Variants in SEPTIN9 observed in about 807,000 individuals in gnomAD.
SEPTIN9 encodes the protein septin 9.
In SEPTIN9, 13 loss-of-function variants were observed where a neutral mutation model predicts 56.6. The ratio of observed to expected loss-of-function variants is 0.23; its 90% CI spans 0.15 to 0.37. SEPTIN9 has a LOEUF of 0.37. Ranked by LOEUF, SEPTIN9 falls within the 10% of genes least tolerant of loss-of-function variation. The probability of loss-of-function intolerance (pLI) is 1.00; values close to 1 mark genes in which losing one functional copy is unlikely to be tolerated. For synonymous variants in SEPTIN9, 332 were observed against 334.1 expected, an observed-to-expected ratio of 0.99 and a Z score of 0.07; for missense variants, 650 against 823.1, an observed-to-expected ratio of 0.79 and a Z score of 2.57.
intron 2 of SEPTIN9, among the ~76,000 whole-genome samples, chr17:77,399,666 G>C (rs2035838964): frequency 6.6e-6 from 1 of 151,950 alleles, no homozygotes; most frequent in African/African-American, 2.4e-5. Flanking sequence ...TGATGAGCTT[G>C]GTAAGCCCAT....
At chr17:77,299,047 C>A (rs910720477) in intron 1 of SEPTIN9, among the ~76,000 whole-genome samples, 1 of 152,226 alleles carries the variant, frequency 6.6e-6, no homozygotes, top group Non-Finnish European at 1.5e-5. Flanking sequence ...AGCAGGCTCC[C>A]AGCCATTGGC....
At position 77,456,221 on chromosome 17, in the gene SEPTIN9, G is replaced by A. The variant is rs2038196800; in HGVS notation, c.722-25923G>A. 6.6e-6 allele frequency: 1 copy of A among 152,458 alleles called. No individual in the cohort carries two copies. Among genetic ancestry groups the A allele is most frequent in the Non-Finnish European group, 1.5e-5 (1 of 68,266 alleles). The allele number at this position is 152,458 out of a possible 1,614,324, so 9.4% of individuals were successfully genotyped here. ...CGGGTGGGTGGGAGCCGAGGCCAGG[G>A]AGAACAGCGCAGACCTGGCACGGAG... On this transcript the variant is annotated intron_variant, in intron 3 of 11. Transcript: ENST00000427177. This position sits in a 1 kb window ranked among gnomAD's most constrained non-coding sequence, Gnocchi z 6.0.
intron 2 of SEPTIN9, among the ~76,000 whole-genome samples, chr17:77,342,312 C>T (rs1450722954): frequency 1.3e-5 from 2 of 152,114 alleles, no homozygotes; most frequent in African/African-American, 4.8e-5. Context: ...ATGAGGTGTG[C>T]CTGTGTTCCT....
chr17:77,351,030 G>A (rs1479730369), intron 2 of SEPTIN9, among the ~76,000 whole-genome samples: 2 of 147,072 alleles, frequency 1.4e-5, no homozygotes, highest in Non-Finnish European at 3.1e-5. Flanking sequence ...ATGTGTGCAC[G>A]TGTGGACCTG....
intron 3 of SEPTIN9, among the ~76,000 whole-genome samples, chr17:77,406,236 C>T (rs937675387): frequency 6.6e-6 from 1 of 152,242 alleles, no homozygotes; most frequent in Non-Finnish European, 1.5e-5. Flanking sequence ...CACCTCTCTC[C>T]TTCCCAGCTT....
intron 1 of SEPTIN9, among the ~76,000 whole-genome samples, chr17:77,297,996 G>A: frequency 6.6e-6 from 1 of 152,196 alleles, no homozygotes; most frequent in East Asian, 1.9e-4. Context: ...ACAGCAAGGA[G>A]GCCAGAGGGG....
chr17:77,412,888 C>T (rs992480963), intron 3 of SEPTIN9, among the ~76,000 whole-genome samples: 1 of 152,114 alleles, frequency 6.6e-6, no homozygotes, highest in Admixed American at 6.6e-5. Context: ...TTGGAATTCA[C>T]ATCCTGTTTA....
At chr17:77,483,173 G>T (rs939089901) in intron 4 of SEPTIN9, 1 of 153,288 alleles carries the variant, frequency 6.5e-6, no homozygotes. Context: ...CACCTCTCAG[G>T]CCGGGCCTGT....
intron 3 of SEPTIN9, among the ~76,000 whole-genome samples, chr17:77,465,530 C>G (rs1363735385): frequency 6.6e-6 from 1 of 152,032 alleles, no homozygotes; most frequent in Non-Finnish European, 1.5e-5. Flanking sequence ...ACTGTGAGCC[C>G]CAGGAGGCCA....
intron 2 of SEPTIN9, among the ~76,000 whole-genome samples, chr17:77,307,792 C>G (rs7210195): frequency 0.89 from 135,694 of 152,282 alleles, 60,635 homozygotes; most frequent in East Asian, 0.99. Context: ...GTCCAGGACA[C>G]GAGTTACAGC....
At chr17:77,288,931 C>T (rs2031404199) in intron 1 of SEPTIN9, among the ~76,000 whole-genome samples, 1 of 152,226 alleles carries the variant, frequency 6.6e-6, no homozygotes. Context: ...GATTTCTCGC[C>T]AGTGTTGGCA....
intron 2 of SEPTIN9, among the ~76,000 whole-genome samples, chr17:77,394,112 C>A (rs1251710670): frequency 6.6e-6 from 1 of 152,170 alleles, no homozygotes; most frequent in African/African-American, 2.4e-5. Context: ...TCCCCCAAGT[C>A]CTGGATAAAT....
chr17:77,373,820 G>A (rs550784998), intron 2 of SEPTIN9: 2 of 490,590 alleles, frequency 4.1e-6, no homozygotes, highest in African/African-American at 4.0e-5. Context: ...CTGCCGCCTG[G>A]GTTTCCTTCC....
At chr17:77,300,494 G>T (rs1315343307) in intron 1 of SEPTIN9, among the ~76,000 whole-genome samples, 1 of 152,156 alleles carries the variant, frequency 6.6e-6, no homozygotes, top group Non-Finnish European at 1.5e-5. Context: ...AGGACAGAGG[G>T]GAGGAGAAGA....
At chr17:77,390,517 T>TCTCGG (rs1491150528) in intron 2 of SEPTIN9, among the ~76,000 whole-genome samples, 1 of 141,432 alleles carries the variant, frequency 7.1e-6, no homozygotes, top group Non-Finnish European at 1.5e-5. Context: ...AGTGGCGCGA[T>TCTCGG]CTCGGCTCGC....
chr17:77,467,637 T>C (rs2038803589), intron 3 of SEPTIN9, among the ~76,000 whole-genome samples: 1 of 152,180 alleles, frequency 6.6e-6, no homozygotes, highest in Non-Finnish European at 1.5e-5. Context: ...CCTTAATGCT[T>C]TGTGGCTCCA....
chr17:77,284,248 C>T (rs1296024689), intron 1 of SEPTIN9, among the ~76,000 whole-genome samples: 3 of 150,870 alleles, frequency 2.0e-5, no homozygotes, highest in Non-Finnish European at 4.4e-5. Context: ...CCTGTGACAG[C>T]GCCTGGAAAT....
Position 77,326,670 on chromosome 17 carries a change from A to G in SEPTIN9, c.76+19473A>G, listed in dbSNP as rs574963083. Among the ~76,000 whole-genome samples the G allele has an allele frequency of 6.6e-6, 1 of 152,288 alleles. No individual in the cohort carries two copies. The highest frequency in any genetic ancestry group is 6.5e-5 in the Admixed American group (1 of 15,304). On this transcript the variant is annotated intron_variant, in intron 2 of 11. Transcript: ENST00000427177. The surrounding 1 kb of genome is among the most constrained non-coding windows in gnomAD (Gnocchi z 5.1). ...GGCACACAACTCCTAAAATCCTTGG[A>G]ATCTCCAAAGTGATGTCTTTTTGGA...
chr17:77,396,205 C>T (rs1395631180), intron 2 of SEPTIN9, among the ~76,000 whole-genome samples: 1 of 152,166 alleles, frequency 6.6e-6, no homozygotes, highest in Admixed American at 6.5e-5. Context: ...CATGACCTGG[C>T]TCCGCATCTT....
Sources: gnomAD v4.1 joint callset for allele counts (sites outside exome capture counted in the v4.1 genomes callset) on GRCh38, gnomAD v4.1.1 for gene constraint, Gnocchi (gnomAD v3.1) non-coding constraint, MANE v1.5 for transcripts, NCBI Gene and HGNC (gene_info 2026-07-23, HGNC 2026-07-21) for gene names.